DMD: variants seen among roughly 807,000 people sequenced by gnomAD.
The protein encoded by DMD is dystrophin.
In DMD, 63 loss-of-function variants were observed where a neutral mutation model predicts 330.1. The observed-to-expected ratio is 0.19, with a 90% CI of 0.16 to 0.24. The LOEUF (loss-of-function observed/expected upper bound fraction) is 0.24. Ranked by LOEUF, DMD falls within the 10% of genes least tolerant of loss-of-function variation. The pLI is 1.00. For missense variants in DMD, 3,344 were observed against 2,684.1 expected (o/e 1.25, Z -5.43); for synonymous variants, 1,223 against 959.8 (o/e 1.27, Z -5.07).
At chrX:31,335,351 C>T (rs778517932) in intron 61 of DMD, among the ~76,000 whole-genome samples, 1 of 112,173 alleles carries the variant, frequency 8.9e-6, no homozygotes, top group East Asian at 2.8e-4. Flanking sequence ...CTTTTAAGTG[C>T]CCAGTTATTC....
intron 8 of DMD, 24 bp downstream of exon 8, chrX:32,699,088 G>A (rs767647711): frequency 2.5e-6 from 3 of 1,183,812 alleles, no homozygotes; most frequent in Non-Finnish European, 3.4e-6. Context: ...ATCTTGAATA[G>A]TAGCTGTCCT....
At chrX:33,043,451 A>G (rs1336453161) in intron 1 of DMD, among the ~76,000 whole-genome samples, 1 of 111,225 alleles carries the variant, frequency 9.0e-6, no homozygotes, top group Non-Finnish European at 1.9e-5. Context: ...CCAGCCTTCC[A>G]GTTACCACAG....
chrX:32,313,167 C>A (rs1365440864), intron 41 of DMD, among the ~76,000 whole-genome samples: 1 of 109,204 alleles, frequency 9.2e-6, no homozygotes, highest in Non-Finnish European at 1.9e-5. Flanking sequence ...ACTGGCAAAC[C>A]AAATCCAGTA....
At chrX:31,658,697 A>G (rs2148619370) in intron 53 of DMD, among the ~76,000 whole-genome samples, 1 of 112,416 alleles carries the variant, frequency 8.9e-6, no homozygotes, top group African/African-American at 3.2e-5. Context: ...AATTAGAAAA[A>G]AAGTCAAAAT....
intron 7 of DMD, among the ~76,000 whole-genome samples, chrX:32,803,870 C>A (rs1462694272): frequency 8.9e-6 from 1 of 111,741 alleles, no homozygotes; most frequent in Non-Finnish European, 1.9e-5. Context: ...TATTTTACTT[C>A]CAATTATGTC....
chrX:32,887,763 A>C (rs1410740019), intron 2 of DMD, among the ~76,000 whole-genome samples: 3 of 101,516 alleles, frequency 3.0e-5, no homozygotes, highest in Non-Finnish European at 4.0e-5. Flanking sequence ...AAAAAAAAAA[A>C]AAAAAAAAAA....
chrX:31,720,849 T>C (rs2085414957), intron 52 of DMD, among the ~76,000 whole-genome samples: 1 of 111,569 alleles, frequency 9.0e-6, no homozygotes, highest in African/African-American at 3.2e-5. Context: ...GAAAGATTTA[T>C]AATTAAATAT....
At chrX:32,321,249 A>C (rs12840475) in intron 41 of DMD, among the ~76,000 whole-genome samples, 1 of 111,345 alleles carries the variant, frequency 9.0e-6, no homozygotes, top group African/African-American at 3.3e-5. Context: ...GAGTCCATGC[A>C]ACGTCAAGAT....
At chrX:32,968,757 CG>C (rs2092263063) in intron 2 of DMD, among the ~76,000 whole-genome samples, 1 of 108,809 alleles carries the variant, frequency 9.2e-6, no homozygotes, top group Admixed American at 9.9e-5. Context: ...AGGCCAGGCG[CG>C]GTGGCTCACA....
At chrX:31,926,845 C>A (rs2094785669) in intron 47 of DMD, among the ~76,000 whole-genome samples, 1 of 111,230 alleles carries the variant, frequency 9.0e-6, no homozygotes, top group Non-Finnish European at 1.9e-5. Context: ...TTGACATATT[C>A]ATGTCACAGT....
At chrX:32,362,008 A>G (rs2097837525) in intron 37 of DMD, among the ~76,000 whole-genome samples, 1 of 111,745 alleles carries the variant, frequency 8.9e-6, no homozygotes, top group South Asian at 3.7e-4. Flanking sequence ...CTATAACACT[A>G]TATTTATACA....
intron 64 of DMD, among the ~76,000 whole-genome samples, chrX:31,218,821 T>C (rs2057540024): frequency 9.0e-6 from 1 of 111,612 alleles, no homozygotes; most frequent in African/African-American, 3.3e-5. Flanking sequence ...TGAACCCCTT[T>C]ATTTCTGAAG....
chrX:31,409,753 T>C (rs2061555619), intron 60 of DMD, among the ~76,000 whole-genome samples: 1 of 112,359 alleles, frequency 8.9e-6, no homozygotes, highest in Admixed American at 9.4e-5. Flanking sequence ...AGATTTTTAA[T>C]TCAATTTAGG....
At position 32,346,544 on chromosome X, in the gene DMD, G is replaced by A. The variant is rs755280311; in HGVS notation, c.5449-464C>T. Among the ~76,000 whole-genome samples, 6 of 111,069 alleles carry A rather than the reference G, an allele frequency of 5.4e-5. No individual in the cohort carries two copies. The East Asian group carries it at 1.7e-3, about 31-fold the overall frequency. ...ACACACAACTACATGAAAATATTTT[G>A]ATTTAAATGTACACTAATTCCTATC... On this transcript the variant is annotated intron_variant, in intron 38 of 78. Transcript: ENST00000357033.
intron 55 of DMD, among the ~76,000 whole-genome samples, chrX:31,516,967 C>T (rs773666737): frequency 9.0e-6 from 1 of 111,332 alleles, no homozygotes; most frequent in Non-Finnish European, 1.9e-5. Context: ...GCTTTCTCTC[C>T]TTGTGTGACC....
intron 2 of DMD, among the ~76,000 whole-genome samples, chrX:32,933,074 G>T (rs144096115): frequency 0.011 from 1,242 of 111,344 alleles, 16 homozygotes; most frequent in African/African-American, 0.038. Context: ...TTTGATTAGA[G>T]ATAACTATTG....
intron 3 of DMD, among the ~76,000 whole-genome samples, chrX:32,849,277 AAG>A (rs1217319603): frequency 8.9e-6 from 1 of 111,853 alleles, no homozygotes; most frequent in Non-Finnish European, 1.9e-5. Context: ...GAAGTTAGAC[AAG>A]ATAATAGTTC....
intron 9 of DMD, among the ~76,000 whole-genome samples, chrX:32,686,718 A>G (rs1048316770): frequency 3.6e-5 from 4 of 111,177 alleles, no homozygotes; most frequent in Non-Finnish European, 7.5e-5. Flanking sequence ...AAGAGAAAAG[A>G]TTAAAAATAT....
At chrX:31,318,545 T>C (rs1279519183) in intron 62 of DMD, among the ~76,000 whole-genome samples, 1 of 112,218 alleles carries the variant, frequency 8.9e-6, no homozygotes, top group Non-Finnish European at 1.9e-5. Flanking sequence ...AAAACTCAGA[T>C]GCAATAAATG....
Sources: gnomAD v4.1 joint callset for allele counts (sites outside exome capture counted in the v4.1 genomes callset) on GRCh38, gnomAD v4.1.1 for gene constraint, MANE v1.5 for transcripts, NCBI Gene and HGNC (gene_info 2026-07-23, HGNC 2026-07-21) for gene names.